Variants in TBC1D9 observed in about 807,000 individuals in gnomAD.
The protein encoded by TBC1D9 is TBC1 domain family member 9.
In TBC1D9, 63 loss-of-function variants were observed where a neutral mutation model predicts 132.0. The observed-to-expected ratio is 0.48, with a 90% CI of 0.39 to 0.59. TBC1D9 has a LOEUF of 0.59. TBC1D9 is among the 20% of genes least tolerant of loss of function. The pLI is 0.00. For missense variants in TBC1D9, 1,261 were observed against 1,592.7 expected (o/e 0.79, Z 3.54); for synonymous variants, 610 against 609.9 (o/e 1.00, Z 0.00).
At chr4:140,641,336 G>T (rs1397206740) in intron 13 of TBC1D9, among the ~76,000 whole-genome samples, 2 of 152,162 alleles carry the variant, frequency 1.3e-5, no homozygotes, top group African/African-American at 4.8e-5. Flanking sequence ...TTTAAAAAGA[G>T]TGCCTTTGTG....
At chr4:140,736,678 A>C (rs562906057) in intron 1 of TBC1D9, among the ~76,000 whole-genome samples, 2 of 152,266 alleles carry the variant, frequency 1.3e-5, no homozygotes, top group South Asian at 4.1e-4. Flanking sequence ...AGGAAGAAAG[A>C]GGGGTTTGCA....
At chr4:140,664,466 T>A (rs946449224) in intron 9 of TBC1D9, among the ~76,000 whole-genome samples, 2 of 152,148 alleles carry the variant, frequency 1.3e-5, no homozygotes, top group African/African-American at 2.4e-5. Context: ...ATCTGTCCTT[T>A]TTGCAAAAAT....
chr4:140,732,185 G>A lies in TBC1D9; in HGVS notation c.130+23731C>T, dbSNP rs112350185. ...TTCAAAGGAGTATTGATAAACATAC[G>A]AATAACATATAATATGCAGTGGTTT... On this transcript the variant is annotated intron_variant, in intron 1 of 20. Coordinates refer to ENST00000442267, the MANE Select transcript of TBC1D9 (RefSeq NM_015130.3). 2.3e-3 allele frequency among the ~76,000 whole-genome samples: 349 copies of A among 152,176 alleles called. 2 individuals are homozygous for A. The highest frequency in any genetic ancestry group is 7.2e-3 in the African/African-American group (299 of 41,510).
intron 13 of TBC1D9, chr4:140,643,253 C>A: frequency 7.6e-7 from 1 of 1,311,178 alleles, no homozygotes; most frequent in Non-Finnish European, 1.1e-6. Context: ...CCAGCTCCAG[C>A]TCTGCGATCT....
chr4:140,703,349 A>G (rs1175073216), intron 1 of TBC1D9, among the ~76,000 whole-genome samples: 1 of 152,182 alleles, frequency 6.6e-6, no homozygotes. Flanking sequence ...GGCCATACCA[A>G]ATAAGACCCT....
At chr4:140,635,753 T>C (rs1449862803) in intron 15 of TBC1D9, among the ~76,000 whole-genome samples, 1 of 152,092 alleles carries the variant, frequency 6.6e-6, no homozygotes. Context: ...CAAGGCGACC[T>C]TGAGAGAATA....
intron 13 of TBC1D9, among the ~76,000 whole-genome samples, chr4:140,641,339 C>T (rs140283955): frequency 6.6e-6 from 1 of 152,132 alleles, no homozygotes; most frequent in African/African-American, 2.4e-5. Flanking sequence ...AAAAAGAGTG[C>T]CTTTGTGAGC....
chr4:140,732,130 C>T (rs1378013943), intron 1 of TBC1D9, among the ~76,000 whole-genome samples: 1 of 152,006 alleles, frequency 6.6e-6, no homozygotes, highest in Non-Finnish European at 1.5e-5. Context: ...GTCTGCTGTC[C>T]CTAGAAGTAG....
At chr4:140,643,037 G>T in intron 13 of TBC1D9, 2 of 1,055,478 alleles carry the variant, frequency 1.9e-6, no homozygotes, top group Non-Finnish European at 1.4e-6. Flanking sequence ...ACTTCATGGG[G>T]TACATCCGCT....
chr4:140,729,799 A>T (rs1738558540), intron 1 of TBC1D9, among the ~76,000 whole-genome samples: 1 of 136,008 alleles, frequency 7.4e-6, no homozygotes, highest in African/African-American at 2.7e-5. Flanking sequence ...CAGCCTGGTG[A>T]CAGAGCAAGA....
intron 16 of TBC1D9, 98 bp downstream of exon 16, chr4:140,633,850 C>T: frequency 2.1e-6 from 3 of 1,450,302 alleles, no homozygotes; most frequent in Non-Finnish European, 2.8e-6. Flanking sequence ...GTTTGCAAAC[C>T]TCCCCTTGTG....
Position 140,622,520 on chromosome 4 carries a change from T to C in TBC1D9, c.3476A>G (p.Asp1159Gly), listed in dbSNP as rs750910073. ...CACCGAGTATGAGGACATGGAGCTG[T>C]CGTCCTTGGTGTCGTCGTCAGAGAT... is the stretch of plus-strand genomic sequence containing the variant. The part of the protein sequence containing the change: ...MLISDDDTKD[D>G]SSMSSYSVLS... The change falls in exon 21 of 21, where the codon GAC (aspartate) becomes GGC (glycine). Residue 1159 changes from aspartate (D) to glycine (G), a missense_variant. Around this residue, in one of 3 missense-constraint regions of TBC1D9, gnomAD observed 618 missense variants for 724.4 expected, o/e 0.85. Coordinates refer to ENST00000442267, the MANE Select transcript of TBC1D9 (RefSeq NM_015130.3). 6.2e-7 allele frequency: 1 copy of C among 1,614,042 alleles called. No individual in the cohort carries two copies. Among genetic ancestry groups the C allele is most frequent in the South Asian group, 1.1e-5 (1 of 91,090 alleles).
intron 1 of TBC1D9, among the ~76,000 whole-genome samples, chr4:140,746,636 A>C (rs772396982): frequency 3.3e-5 from 5 of 152,162 alleles, no homozygotes; most frequent in Non-Finnish European, 5.9e-5. Context: ...GAGCAAAGGG[A>C]CGTCTCATAT....
intron 16 of TBC1D9, among the ~76,000 whole-genome samples, chr4:140,629,189 T>C (rs955958126): frequency 1.3e-5 from 2 of 152,224 alleles, no homozygotes; most frequent in Non-Finnish European, 2.9e-5. Context: ...GATGGGGAAC[T>C]CAATACAACC....
Position 140,624,164 on chromosome 4 carries a change from T to C in TBC1D9, c.3030A>G (p.Glu1010=). ...TTGCATTCTTTGACTTAGATTTATT[T>C]TCTGGAGTCCACAGTCTCAAATAAT... The part of the protein sequence containing the change: ...NRNYLRLWTP[E]NKSKSKNAKD... Residue 1010 remains glutamate, a synonymous_variant, in exon 20 of 21, where the codon GAA becomes GAG. Transcript: ENST00000442267. 6.2e-7 allele frequency: 1 copy of C among 1,611,998 alleles called. No individual in the cohort carries two copies. The highest frequency in any genetic ancestry group is 8.5e-7 in the Non-Finnish European group (1 of 1,178,846).
At position 140,627,546 on chromosome 4, in the gene TBC1D9, A is replaced by G. The variant is rs1393262563; in HGVS notation, c.2813-19T>C. On this transcript the variant is annotated intron_variant, in intron 17 of 20. Coordinates refer to ENST00000442267, the MANE Select transcript of TBC1D9 (RefSeq NM_015130.3). ...GATGGCTCTAGGGAGGGGAGGAAAC[A>G]TAGTTCTCATATTGGTAGGGCCATG... 6.9e-7 allele frequency: 1 copy of G among 1,455,682 alleles called. No individual in the cohort carries two copies. Among genetic ancestry groups the G allele is most frequent in the Non-Finnish European group, 9.6e-7 (1 of 1,040,612 alleles). 90.2% of individuals were successfully genotyped at this position (1,455,682 alleles called of 1,614,324 possible).
intron 13 of TBC1D9, chr4:140,643,039 A>C: frequency 9.3e-7 from 1 of 1,071,300 alleles, no homozygotes; most frequent in Non-Finnish European, 1.4e-6. Context: ...TTCATGGGGT[A>C]CATCCGCTCC....
In TBC1D9 at chr4:140,624,389, CT is replaced by C; in HGVS notation, c.2900-2del. 1 of 1,612,202 alleles carries C rather than the reference CT, an allele frequency of 6.2e-7. No individual in the cohort carries two copies. Among genetic ancestry groups the C allele is most frequent in the South Asian group, 1.1e-5 (1 of 90,734 alleles). ...TTGCTTCTGCTATCCAATCCAACAACTACCAAGAAATGGTTCAGAAGAAAAA... is the reference window on the plus strand; with the variant it reads ...TTGCTTCTGCTATCCAATCCAACAACACCAAGAAATGGTTCAGAAGAAAAA... On this transcript the variant is annotated splice_acceptor_variant, in intron 18 of 20. Coordinates refer to ENST00000442267, the MANE Select transcript of TBC1D9 (RefSeq NM_015130.3). LOFTEE classifies it high-confidence loss of function.
rs186187699 is a variant in TBC1D9, at chr4:140,640,086, A to G, written c.2338-658T>C. 3.5e-3 allele frequency among the ~76,000 whole-genome samples: 533 copies of G among 152,348 alleles called. 5 individuals are homozygous for G. Among genetic ancestry groups the G allele is most frequent in the African/African-American group, 0.012 (514 of 41,582 alleles). ...CTTAACCCATGGAAGCAGTGACTGC[A>G]ATAGTTAAATATATTTGGAAACCAA... On this transcript the variant is annotated intron_variant, in intron 13 of 20. Coordinates refer to ENST00000442267, the MANE Select transcript of TBC1D9 (RefSeq NM_015130.3).
Sources: allele counts gnomAD v4.1 joint callset (sites outside exome capture counted in the v4.1 genomes callset), GRCh38; gene constraint gnomAD v4.1.1; regional missense constraint gnomAD v4.1.1; transcripts MANE v1.5; gene names NCBI Gene and HGNC (gene_info 2026-07-23, HGNC 2026-07-21).